PAPOLA: variants seen among roughly 807,000 people sequenced by gnomAD.
PAPOLA encodes polynucleotide adenylyltransferase alpha.
PAPOLA carries 15 observed loss-of-function variants against 100.6 expected under a neutral mutation model. The observed-to-expected ratio is 0.15, with a 90% CI of 0.10 to 0.23. The LOEUF (loss-of-function observed/expected upper bound fraction) is 0.23. PAPOLA is among the 10% of genes least tolerant of loss of function. The pLI is 1.00. For synonymous variants in PAPOLA, 293 were observed against 300.0 expected (o/e 0.98, Z 0.24); for missense variants, 533 against 884.2 (o/e 0.60, Z 5.04).
At chr14:96,544,940 A>C (rs1182198288) in intron 15 of PAPOLA, among the ~76,000 whole-genome samples, 1 of 152,100 alleles carries the variant, frequency 6.6e-6, no homozygotes, top group East Asian at 1.9e-4. Flanking sequence ...AGTTCATTTT[A>C]ACCAAAGACC....
chr14:96,510,813 A>G (rs887010022), intron 1 of PAPOLA, among the ~76,000 whole-genome samples: 1 of 152,220 alleles, frequency 6.6e-6, no homozygotes, highest in African/African-American at 2.4e-5. Flanking sequence ...CCATCGTTTT[A>G]ATTTCTTAGC....
chr14:96,529,818 G>T (rs890131500), intron 6 of PAPOLA, among the ~76,000 whole-genome samples: 6 of 152,088 alleles, frequency 3.9e-5, no homozygotes, highest in African/African-American at 1.4e-4. Flanking sequence ...ATACCCTCAG[G>T]GATAACTACC....
chr14:96,531,483 T>G lies in PAPOLA; in HGVS notation c.504T>G (p.Ile168Met). The G allele has an allele frequency of 6.2e-7, 1 of 1,603,040 alleles. No individual in the cohort carries two copies. Among genetic ancestry groups the G allele is most frequent in the South Asian group, 1.1e-5 (1 of 89,036 alleles). ...KLCFDGIEID[I>M]LFARLALQTI... ...TTTTGTTTGTGTTTCAGATTGATAT[T>G]TTGTTTGCAAGATTAGCACTGCAGA... Residue 168 changes from isoleucine to methionine, a missense_variant, in exon 7 of 22, where the codon ATT becomes ATG. Ile to Met is a conservative substitution (Grantham distance 10). Coordinates refer to ENST00000216277, the MANE Select transcript of PAPOLA (RefSeq NM_032632.5).
At chr14:96,507,351 G>A (rs947683497) in intron 1 of PAPOLA, among the ~76,000 whole-genome samples, 14 of 137,494 alleles carry the variant, frequency 1.0e-4, no homozygotes, top group Admixed American at 1.6e-4. Flanking sequence ...GCTGTGGCGC[G>A]ATCTCCGCTC....
chr14:96,506,956 T>C (rs923827360), intron 1 of PAPOLA, among the ~76,000 whole-genome samples: 8 of 152,144 alleles, frequency 5.3e-5, no homozygotes, highest in African/African-American at 1.7e-4. Context: ...CTCATATTAA[T>C]TGAAAATACT....
intron 12 of PAPOLA, chr14:96,541,776 A>G (rs919496851): frequency 2.0e-5 from 3 of 152,116 alleles, no homozygotes; most frequent in African/African-American, 7.3e-5. Context: ...CTACTATTTC[A>G]TTTGAATTTA....
chr14:96,535,557 TC>T (rs941771070), intron 10 of PAPOLA: 1 of 1,013,340 alleles, frequency 9.9e-7, no homozygotes, highest in African/African-American at 1.7e-5. Flanking sequence ...TGTATGTGCA[TC>T]CCCATTTCTG....
intron 1 of PAPOLA, among the ~76,000 whole-genome samples, chr14:96,513,625 C>T (rs1897247822): frequency 6.6e-6 from 1 of 152,084 alleles, no homozygotes; most frequent in Non-Finnish European, 1.5e-5. Context: ...GTTTTTTTTA[C>T]ACCATGGCCA....
intron 17 of PAPOLA, chr14:96,553,068 A>C (rs1900979820): frequency 6.5e-6 from 1 of 152,946 alleles, no homozygotes; most frequent in Non-Finnish European, 1.5e-5. Context: ...CAGCAGTTAA[A>C]ATTTTAAAAA....
At chr14:96,525,951 C>G (rs999450348) in intron 4 of PAPOLA, 2 of 152,108 alleles carry the variant, frequency 1.3e-5, no homozygotes, top group Non-Finnish European at 2.9e-5. Flanking sequence ...GAATATCACT[C>G]TGGAAATAGA....
rs927084410 is a variant in PAPOLA at position 96,565,293 on chromosome 14, T to TA, written c.*251dup. On this transcript the variant is annotated 3_prime_UTR_variant, in exon 22 of 22. Coordinates refer to ENST00000216277, the MANE Select transcript of PAPOLA (RefSeq NM_032632.5). ...TAACTATTTCAAAAATTACTGCCTT[T>TA]AAAAAAAACAACCTCAAGCTATATT... 144 of 375,600 alleles carry TA rather than the reference T, an allele frequency of 3.8e-4. No homozygotes were observed. The highest frequency in any genetic ancestry group is 5.4e-4 in the East Asian group (14 of 25,804). The allele number at this position is 375,600 out of a possible 1,614,324, so 23.3% of individuals were successfully genotyped here.
chr14:96,507,630 G>A (rs1016675673), intron 1 of PAPOLA, among the ~76,000 whole-genome samples: 14 of 152,282 alleles, frequency 9.2e-5, no homozygotes, highest in Non-Finnish European at 1.6e-4. Context: ...TTATTTAAAT[G>A]AATAAATACT....
intron 1 of PAPOLA, among the ~76,000 whole-genome samples, chr14:96,515,793 A>G (rs1054188986): frequency 3.9e-5 from 6 of 152,208 alleles, no homozygotes; most frequent in Non-Finnish European, 8.8e-5. Flanking sequence ...TTTTTGTGTT[A>G]CGTAAATTGT....
intron 16 of PAPOLA, 142 bp downstream of exon 16, chr14:96,548,060 T>C: frequency 1.4e-6 from 1 of 692,976 alleles, no homozygotes; most frequent in South Asian, 2.0e-5. Flanking sequence ...CATGGAGCAG[T>C]TTCATTATGT....
At chr14:96,544,891 T>C (rs1199282095) in intron 15 of PAPOLA, among the ~76,000 whole-genome samples, 4 of 152,070 alleles carry the variant, frequency 2.6e-5, no homozygotes, top group African/African-American at 9.7e-5. Context: ...GCTGATTATA[T>C]GTAGATTTCA....
intron 11 of PAPOLA, 61 bp from the exon 12 acceptor site, chr14:96,536,915 T>A (rs1360592356): frequency 2.2e-6 from 2 of 929,582 alleles, no homozygotes; most frequent in Middle Eastern, 2.1e-4. Flanking sequence ...TGATTAAGAT[T>A]ATTTAAAATT....
intron 17 of PAPOLA, chr14:96,553,205 TG>T (rs1900993351): frequency 6.6e-6 from 1 of 152,362 alleles, no homozygotes; most frequent in South Asian, 2.1e-4. Flanking sequence ...GCCACTGCCC[TG>T]GGTATGAAGC....
intron 1 of PAPOLA, among the ~76,000 whole-genome samples, chr14:96,507,310 C>T (rs1364350144): frequency 8.4e-5 from 7 of 82,874 alleles, no homozygotes; most frequent in South Asian, 7.0e-4. Flanking sequence ...TTTTTTGAGA[C>T]GGAGTCTCGT....
intron 7 of PAPOLA, 188 bp from the exon 8 acceptor site, chr14:96,532,143 C>G (rs1899073043): frequency 7.3e-7 from 1 of 1,372,082 alleles, no homozygotes; most frequent in Non-Finnish European, 9.3e-7. Context: ...TAGATTTTTT[C>G]CCCCTCTTTA....
Sources: allele counts gnomAD v4.1 joint callset (sites outside exome capture counted in the v4.1 genomes callset), GRCh38; gene constraint gnomAD v4.1.1; transcripts MANE v1.5; gene names NCBI Gene and HGNC (gene_info 2026-07-23, HGNC 2026-07-21).